The following CAPZB variants were observed in gnomAD, a reference collection of about 807,000 sequenced individuals.
The protein encoded by CAPZB is capping actin protein of muscle Z-line subunit beta, also known as F-actin-capping protein subunit beta.
A neutral mutation model predicts 38.1 loss-of-function variants in CAPZB; 2 were observed. The observed-to-expected ratio is 0.05, with a 90% confidence interval of 0.02 to 0.17. CAPZB has a LOEUF of 0.17. Ranked by LOEUF, CAPZB falls within the 10% of genes least tolerant of loss-of-function variation. The pLI is 1.00. For missense variants in CAPZB, 161 were observed against 334.2 expected, an observed-to-expected ratio of 0.48 and a Z score of 4.04; for synonymous variants, 107 against 127.4, an observed-to-expected ratio of 0.84 and a Z score of 1.08.
chr1:19,484,531 C>T, intron 1 of CAPZB: 1 of 1,322,304 alleles, frequency 7.6e-7, no homozygotes, highest in Non-Finnish European at 9.7e-7. Flanking sequence ...GCCCGCCCTT[C>T]CCTCGCTGGC....
intron 4 of CAPZB, among the ~76,000 whole-genome samples, chr1:19,377,948 G>T (rs1051501447): frequency 6.6e-6 from 1 of 152,198 alleles, no homozygotes; most frequent in African/African-American, 2.4e-5. Flanking sequence ...GCTCTGTAAG[G>T]ACTGCACTTA....
intron 3 of CAPZB, among the ~76,000 whole-genome samples, chr1:19,381,169 G>A (rs113731100): frequency 1.3e-4 from 20 of 151,448 alleles, no homozygotes; most frequent in African/African-American, 3.6e-4. Context: ...ACTCCATCTC[G>A]GGGAAACAAA....
At chr1:19,440,257 T>C (rs2094471520) in intron 1 of CAPZB, among the ~76,000 whole-genome samples, 2 of 152,148 alleles carry the variant, frequency 1.3e-5, no homozygotes, top group South Asian at 4.1e-4. Flanking sequence ...GGGCTGGTCT[T>C]AAACTCCTGG....
In CAPZB at chr1:19,410,427, C is replaced by T. The variant is rs982369335; in HGVS notation, c.93+9234G>A. 7.2e-5 allele frequency among the ~76,000 whole-genome samples: 11 copies of T among 152,272 alleles called. No individual in the cohort carries two copies. The East Asian group carries it at 1.5e-3, about 21-fold the overall frequency. ...TAGTGATATACTACTTGTGTCTGGG[C>T]AGGATGCTTTCAAAATAGCACTTTC... On this transcript the variant is annotated intron_variant, in intron 2 of 8. Coordinates refer to ENST00000264202, the MANE Select transcript of CAPZB (RefSeq NM_004930.5).
chr1:19,420,141 G>A lies in CAPZB; in HGVS notation c.4-391C>T, dbSNP rs144206850. 46 of 165,406 alleles carry A rather than the reference G, an allele frequency of 2.8e-4. No homozygotes were observed. The Middle Eastern group carries it at 8.4e-3, about 30-fold the overall frequency. 10.2% of individuals were successfully genotyped at this position (165,406 alleles called of 1,614,324 possible). A position where few individuals can be genotyped will look rare whatever the true frequency, so the allele number is the denominator to read the frequency against. On this transcript the variant is annotated intron_variant, in intron 1 of 8. Transcript: ENST00000264202. ...TACTTTTGCCCTTTGTTGTAACCTG[G>A]GTGTAAACATCAGGTAACATCCCCA...
At chr1:19,452,068 T>C (rs2100700542) in intron 1 of CAPZB, among the ~76,000 whole-genome samples, 1 of 152,172 alleles carries the variant, frequency 6.6e-6, no homozygotes, top group East Asian at 1.9e-4. Flanking sequence ...CACATCTGGG[T>C]CAGGGCAAGC....
At chr1:19,408,571 G>A (rs761069898) in intron 2 of CAPZB, among the ~76,000 whole-genome samples, 6 of 152,232 alleles carry the variant, frequency 3.9e-5, no homozygotes, top group Admixed American at 2.0e-4. Flanking sequence ...GCAGCTCATA[G>A]GCCTGAGAGA....
chr1:19,381,684 A>ATTTTTT (rs869210528), intron 3 of CAPZB, among the ~76,000 whole-genome samples: 2 of 84,532 alleles, frequency 2.4e-5, no homozygotes, highest in Non-Finnish European at 4.4e-5. Flanking sequence ...TGCCCAGCTA[A>ATTTTTT]TTTTTTTTTT....
At chr1:19,485,398 G>A (rs2094647903) in intron 1 of CAPZB, 38 bp downstream of exon 1, 2 of 1,217,956 alleles carry the variant, frequency 1.6e-6, no homozygotes, top group East Asian at 3.2e-5. Flanking sequence ...AGCTCCGGAG[G>A]GGCCCCCGGG....
At chr1:19,427,100 G>C (rs1450412564) in intron 1 of CAPZB, among the ~76,000 whole-genome samples, 1 of 152,234 alleles carries the variant, frequency 6.6e-6, no homozygotes, top group Non-Finnish European at 1.5e-5. Flanking sequence ...CCAACTGCTA[G>C]AGGATGGTGC....
chr1:19,434,453 G>C (rs762499626), intron 1 of CAPZB, among the ~76,000 whole-genome samples: 2 of 150,816 alleles, frequency 1.3e-5, no homozygotes, highest in African/African-American at 2.4e-5. Context: ...GGCTGGGCAT[G>C]GTGGCTCACA....
At chr1:19,448,438 C>A (rs2094503497) in intron 1 of CAPZB, among the ~76,000 whole-genome samples, 1 of 152,236 alleles carries the variant, frequency 6.6e-6, no homozygotes, top group Admixed American at 6.5e-5. Flanking sequence ...TCTCTGACAA[C>A]CGCCTTAATC....
At chr1:19,355,141 A>G (rs1326359833) in intron 6 of CAPZB, among the ~76,000 whole-genome samples, 1 of 152,054 alleles carries the variant, frequency 6.6e-6, no homozygotes, top group Non-Finnish European at 1.5e-5. Context: ...TTGCGCCACT[A>G]TTTTTTCAAT....
intron 6 of CAPZB, among the ~76,000 whole-genome samples, chr1:19,352,435 TG>T (rs1439190046): frequency 6.6e-6 from 1 of 152,242 alleles, no homozygotes; most frequent in Non-Finnish European, 1.5e-5. Context: ...TGGGAAACCT[TG>T]GATCTCTTTC....
chr1:19,346,452 T>TAAA (rs200968507), intron 6 of CAPZB, among the ~76,000 whole-genome samples: 33 of 73,270 alleles, frequency 4.5e-4, no homozygotes, highest in African/African-American at 1.4e-3. Flanking sequence ...TGAGAGAAGC[T>TAAA]AAAAAAAAAA....
At chr1:19,468,792 G>A (rs1043099194) in intron 1 of CAPZB, among the ~76,000 whole-genome samples, 1 of 151,820 alleles carries the variant, frequency 6.6e-6, no homozygotes, top group Non-Finnish European at 1.5e-5. Context: ...GTCGGCACAC[G>A]CCGTCTCTCT....
At position 19,358,211 on chromosome 1, in the gene CAPZB, C is replaced by T. The variant is rs189650899; in HGVS notation, c.330-648G>A. Reference sequence around the variant, plus strand: ...GGAGTGCAGTGGCACCATCTCGGCTCACTGCAACCTCCGCCTCCCAGGTTC... The same window carrying T: ...GGAGTGCAGTGGCACCATCTCGGCTTACTGCAACCTCCGCCTCCCAGGTTC... On this transcript the variant is annotated intron_variant, in intron 4 of 8. Coordinates refer to ENST00000264202, the MANE Select transcript of CAPZB (RefSeq NM_004930.5). 2.3e-3 allele frequency among the ~76,000 whole-genome samples: 350 copies of T among 152,370 alleles called. 2 individuals are homozygous for T. The highest frequency in any genetic ancestry group is 8.3e-3 in the African/African-American group (346 of 41,584).
At chr1:19,389,601 T>C (rs1450991892) in intron 2 of CAPZB, among the ~76,000 whole-genome samples, 1 of 152,024 alleles carries the variant, frequency 6.6e-6, no homozygotes, top group African/African-American at 2.4e-5. Flanking sequence ...CTAATTTTTC[T>C]ATTTTTAGTA....
chr1:19,437,690 C>T (rs951318546), intron 1 of CAPZB, among the ~76,000 whole-genome samples: 2 of 152,186 alleles, frequency 1.3e-5, no homozygotes, highest in South Asian at 2.1e-4. Flanking sequence ...TAGGAACACA[C>T]CTCCCCTTGC....
Sources: allele counts gnomAD v4.1 joint callset (sites outside exome capture counted in the v4.1 genomes callset), GRCh38; gene constraint gnomAD v4.1.1; transcripts MANE v1.5; gene names NCBI Gene and HGNC (gene_info 2026-07-23, HGNC 2026-07-21).